Variants in DOCK3 observed in about 807,000 individuals in gnomAD.
The protein encoded by DOCK3 is dedicator of cytokinesis protein 3.
Under a neutral mutation model 265.6 loss-of-function variants are expected in DOCK3, and 60 were observed. The ratio of observed to expected loss-of-function variants is 0.23; its 90% CI spans 0.18 to 0.28. The LOEUF is 0.28. Among genes scored for constraint, DOCK3 ranks in the 10% least tolerant of loss-of-function variants. The probability of loss-of-function intolerance (pLI) is 1.00; values close to 1 mark genes in which losing one functional copy is unlikely to be tolerated. For synonymous variants in DOCK3, 881 were observed against 938.0 expected (o/e 0.94, Z 1.11); for missense variants, 1,981 against 2,594.3 (o/e 0.76, Z 5.14).
chr3:50,803,393 A>G (rs1452761460), intron 2 of DOCK3, among the ~76,000 whole-genome samples: 2 of 152,204 alleles, frequency 1.3e-5, no homozygotes, highest in Non-Finnish European at 2.9e-5. Context: ...GGTTGGGGGT[A>G]AGGCCATAGA....
At chr3:50,768,646 C>A (rs764849917) in intron 1 of DOCK3, among the ~76,000 whole-genome samples, 2 of 152,168 alleles carry the variant, frequency 1.3e-5, no homozygotes, top group Non-Finnish European at 2.9e-5. Flanking sequence ...TTAAAAAATT[C>A]TTTCATCCAT....
intron 5 of DOCK3, among the ~76,000 whole-genome samples, chr3:50,962,593 G>A (rs562256311): frequency 1.2e-4 from 18 of 152,262 alleles, no homozygotes; most frequent in East Asian, 1.2e-3. Context: ...AAATAAATCC[G>A]TGTATACTTT....
chr3:50,958,566 G>A (rs923507873), intron 5 of DOCK3, among the ~76,000 whole-genome samples: 5 of 152,282 alleles, frequency 3.3e-5, no homozygotes, highest in African/African-American at 1.2e-4. Context: ...TTCTAAAAGG[G>A]TATGCAGTTA....
chr3:51,228,800 C>G lies in DOCK3; in HGVS notation c.1787C>G (p.Thr596Ser). The G allele has an allele frequency of 1.2e-6, 2 of 1,614,060 alleles. No individual in the cohort carries two copies. The highest frequency in any genetic ancestry group is 2.2e-5 in the South Asian group (2 of 91,084). ...ACCAAAGAGTCTTTCTTCATCTCCA[C>G]TCAGCTCTCCTCTACCAAACTCACC... Reference protein sequence around the residue: ...RSTKESFFISTQLSSTKLTQN... With the variant: ...RSTKESFFISSQLSSTKLTQN... Residue 596 changes from threonine (T) to serine (S), a missense_variant, in exon 18 of 53, where the codon ACT becomes AGT. Transcript: ENST00000266037.
At chr3:50,896,657 ATTTGT>A (rs2089972936) in intron 4 of DOCK3, among the ~76,000 whole-genome samples, 1 of 151,406 alleles carries the variant, frequency 6.6e-6, no homozygotes. Context: ...TTGAGTTAAT[ATTTGT>A]ATAAGATTCT....
intron 27 of DOCK3, among the ~76,000 whole-genome samples, chr3:51,298,939 A>G (rs1219170366): frequency 2.0e-5 from 3 of 152,194 alleles, no homozygotes; most frequent in African/African-American, 4.8e-5. Flanking sequence ...ATACCCAGTA[A>G]TAGGATTGCT....
chr3:50,906,426 T>C (rs2049504398), intron 4 of DOCK3, among the ~76,000 whole-genome samples: 1 of 152,116 alleles, frequency 6.6e-6, no homozygotes, highest in Non-Finnish European at 1.5e-5. Flanking sequence ...TATTAATTAT[T>C]GCCTCAATTT....
chr3:51,237,555 T>C lies in DOCK3; in HGVS notation c.2067T>C (p.Tyr689=). Residue 689 remains tyrosine (Y), a synonymous_variant, in exon 21 of 53, where the codon TAT becomes TAC. Coordinates refer to ENST00000266037, the MANE Select transcript of DOCK3 (RefSeq NM_004947.5). ...YFHFRPVMDT[Y]IQKHFAGALA... is the part of the protein sequence containing the mutation. ...ACTTTCGACCTGTGATGGACACGTATATCCAGAAGCACTTTGCTGGAGCTC... is the reference window on the plus strand; with the variant it reads ...ACTTTCGACCTGTGATGGACACGTACATCCAGAAGCACTTTGCTGGAGCTC... 1.9e-6 allele frequency: 3 copies of C among 1,613,768 alleles called. No individual in the cohort carries two copies. The highest frequency in any genetic ancestry group is 2.5e-6 in the Non-Finnish European group (3 of 1,179,828).
At chr3:50,771,341 A>G (rs549349318) in intron 1 of DOCK3, among the ~76,000 whole-genome samples, 2 of 152,366 alleles carry the variant, frequency 1.3e-5, no homozygotes, top group East Asian at 3.9e-4. Context: ...AGGCATATGA[A>G]AAGGTGCTCA....
intron 13 of DOCK3, 132 bp from the exon 14 acceptor site, chr3:51,213,989 TC>T (rs1219751818): frequency 1.7e-6 from 2 of 1,175,150 alleles, no homozygotes; most frequent in Non-Finnish European, 2.4e-6. Flanking sequence ...ACTTATACTG[TC>T]TGCATAAAAG....
intron 3 of DOCK3, among the ~76,000 whole-genome samples, chr3:50,884,710 G>A (rs1373412117): frequency 2.0e-5 from 3 of 150,932 alleles, no homozygotes; most frequent in Non-Finnish European, 4.4e-5. Flanking sequence ...GGAAAGTTTT[G>A]TGTCATTTTT....
Position 50,841,726 on chromosome 3 carries a change from G to C in DOCK3, c.162+11G>C. The C allele has an allele frequency of 2.2e-6, 2 of 923,932 alleles. No homozygotes were observed. Among genetic ancestry groups the C allele is most frequent in the Non-Finnish European group, 3.1e-6 (2 of 638,422 alleles). The allele number at this position is 923,932 out of a possible 1,614,324, so 57.2% of individuals were successfully genotyped here. On this transcript the variant is annotated intron_variant, in intron 3 of 52. Coordinates refer to ENST00000266037, the MANE Select transcript of DOCK3 (RefSeq NM_004947.5). The stretch of plus-strand genomic sequence containing the variant: ...AAGCCAAATGTGAAGGTAATGAAAA[G>C]TTTATTGTTACCTTTTCTAATGTAG...
chr3:50,923,945 T>C (rs772413188), intron 4 of DOCK3, among the ~76,000 whole-genome samples: 1 of 152,226 alleles, frequency 6.6e-6, no homozygotes, highest in Non-Finnish European at 1.5e-5. Context: ...GCACCAAAAG[T>C]ACTTCTGTTG....
At chr3:51,332,606 G>A (rs1248954986) in intron 33 of DOCK3, among the ~76,000 whole-genome samples, 4 of 152,162 alleles carry the variant, frequency 2.6e-5, no homozygotes, top group Admixed American at 1.3e-4. Flanking sequence ...TTGGGAGGTC[G>A]AGGCAGGAGA....
chr3:51,343,516 A>T (rs1270883365), intron 38 of DOCK3, among the ~76,000 whole-genome samples: 3 of 152,224 alleles, frequency 2.0e-5, no homozygotes, highest in Non-Finnish European at 4.4e-5. Flanking sequence ...TTACCTTTAG[A>T]ATGAACAAGG....
rs1450888272 is a variant in DOCK3 at position 51,382,811 on chromosome 3, A to G, written c.*1252A>G. On this transcript the variant is annotated 3_prime_UTR_variant, in exon 53 of 53. Transcript: ENST00000266037. ...CAGTCTGTTGGTGTCTTTATAGGAA[A>G]CTATAAAGCAGAGCAGTGGTGTCTT... 2.0e-5 allele frequency: 3 copies of G among 152,368 alleles called. No individual in the cohort carries two copies. Among genetic ancestry groups the G allele is most frequent in the Non-Finnish European group, 4.4e-5 (3 of 68,028 alleles). The allele number at this position is 152,368 out of a possible 1,614,324, so 9.4% of individuals were successfully genotyped here.
rs186719756 is a variant in DOCK3 at position 50,978,403 on chromosome 3, G to A, written c.315+44326G>A. Among the ~76,000 whole-genome samples, 410 of 65,110 alleles carry A rather than the reference G, an allele frequency of 6.3e-3. 11 individuals carry two copies. The East Asian group carries it at 0.096, about 15-fold the overall frequency. 42.7% of individuals were successfully genotyped at this position (65,110 alleles called of 152,430 possible). Reference sequence around the variant, plus strand: ...TGCAGGTCTGTTGGAGTACCCTGCCGTGTGAGGTGTCAGTGTGCCCCTGCT... The same window carrying A: ...TGCAGGTCTGTTGGAGTACCCTGCCATGTGAGGTGTCAGTGTGCCCCTGCT... On this transcript the variant is annotated intron_variant, in intron 5 of 52. Transcript: ENST00000266037.
intron 1 of DOCK3, among the ~76,000 whole-genome samples, chr3:50,721,596 G>A (rs555932127): frequency 2.5e-4 from 38 of 152,140 alleles, no homozygotes; most frequent in Non-Finnish European, 4.9e-4. Context: ...CTATAGCCTT[G>A]TAGTATAGTT....
At chr3:50,946,073 A>G (rs910649342) in intron 5 of DOCK3, among the ~76,000 whole-genome samples, 1 of 143,134 alleles carries the variant, frequency 7.0e-6, no homozygotes, top group African/African-American at 2.6e-5. Context: ...GCTCTGGGCA[A>G]TAGAGTGAAA....
Sources: gnomAD v4.1 joint callset for allele counts (sites outside exome capture counted in the v4.1 genomes callset) on GRCh38, gnomAD v4.1.1 for gene constraint, MANE v1.5 for transcripts, NCBI Gene and HGNC (gene_info 2026-07-23, HGNC 2026-07-21) for gene names.